The following PCOLCE2 variants were observed in gnomAD, a reference collection of about 807,000 sequenced individuals.
The protein encoded by PCOLCE2 is procollagen C-proteinase enhancer 2.
In PCOLCE2, 42 loss-of-function variants were observed where a neutral mutation model predicts 47.0. The observed-to-expected ratio is 0.89, with a 90% CI of 0.70 to 1.16. The LOEUF (loss-of-function observed/expected upper bound fraction) is 1.16. PCOLCE2 is among the 50% of genes most tolerant of loss of function. PCOLCE2 has a pLI of 0.00. For synonymous variants in PCOLCE2, 169 were observed against 191.7 expected, an observed-to-expected ratio of 0.88 and a Z score of 0.98; for missense variants, 500 against 526.1, an observed-to-expected ratio of 0.95 and a Z score of 0.49.
At chr3:142,841,289 G>A (rs1046498650) in intron 4 of PCOLCE2, among the ~76,000 whole-genome samples, 6 of 152,034 alleles carry the variant, frequency 3.9e-5, no homozygotes, top group African/African-American at 1.4e-4. Flanking sequence ...TCTCCTTTGA[G>A]AAACTGCCAG....
At chr3:142,837,297 G>C (rs1937214781) in intron 5 of PCOLCE2, among the ~76,000 whole-genome samples, 2 of 152,218 alleles carry the variant, frequency 1.3e-5, no homozygotes, top group African/African-American at 4.8e-5. Flanking sequence ...GCTGTTTTAA[G>C]TCGCTGCACG....
At chr3:142,820,120 T>A (rs936577587) in intron 8 of PCOLCE2, among the ~76,000 whole-genome samples, 8 of 151,962 alleles carry the variant, frequency 5.3e-5, no homozygotes, top group East Asian at 1.9e-4. Flanking sequence ...TTTTTTTTTT[T>A]TATAGAAATA....
intron 2 of PCOLCE2, among the ~76,000 whole-genome samples, chr3:142,868,410 T>C (rs1933323971): frequency 6.6e-6 from 1 of 152,186 alleles, no homozygotes; most frequent in East Asian, 1.9e-4. Context: ...AAATTCTAAA[T>C]TTCTCTTCAA....
chr3:142,831,350 C>T (rs1937149371), intron 5 of PCOLCE2, among the ~76,000 whole-genome samples: 1 of 152,152 alleles, frequency 6.6e-6, no homozygotes, highest in Admixed American at 6.5e-5. Flanking sequence ...CCATGTGATG[C>T]CCTGTGCTGC....
At chr3:142,826,999 A>C (rs996723442) in intron 6 of PCOLCE2, 1 of 657,178 alleles carries the variant, frequency 1.5e-6, no homozygotes, top group Admixed American at 2.3e-5. Flanking sequence ...ATCTCTGCCT[A>C]GGTCATCTCG....
chr3:142,868,965 A>C (rs1289124032), intron 2 of PCOLCE2, among the ~76,000 whole-genome samples: 1 of 152,154 alleles, frequency 6.6e-6, no homozygotes, highest in African/African-American at 2.4e-5. Flanking sequence ...CTCCCTTTGG[A>C]ATCCAGGCAC....
chr3:142,886,654 GT>G (rs1933723154), intron 2 of PCOLCE2, among the ~76,000 whole-genome samples: 1 of 152,128 alleles, frequency 6.6e-6, no homozygotes, highest in South Asian at 2.1e-4. Context: ...TGCAAAGTAG[GT>G]TTTACTTTTA....
intron 2 of PCOLCE2, among the ~76,000 whole-genome samples, chr3:142,886,576 G>C (rs567047608): frequency 7.4e-4 from 112 of 152,306 alleles, no homozygotes; most frequent in Non-Finnish European, 1.3e-3. Flanking sequence ...TGTAAGAGCT[G>C]AGTTTTATAT....
intron 6 of PCOLCE2, among the ~76,000 whole-genome samples, chr3:142,828,798 A>G (rs770146921): frequency 2.2e-4 from 34 of 152,336 alleles, no homozygotes; most frequent in African/African-American, 3.1e-4. Context: ...AATTCACTGG[A>G]AAGAACATGG....
At chr3:142,884,323 C>T (rs1255769252) in intron 2 of PCOLCE2, among the ~76,000 whole-genome samples, 1 of 152,132 alleles carries the variant, frequency 6.6e-6, no homozygotes, top group African/African-American at 2.4e-5. Flanking sequence ...CTCACCCCAA[C>T]CCTATTGTTC....
intron 6 of PCOLCE2, among the ~76,000 whole-genome samples, chr3:142,825,528 G>A (rs574550138): frequency 5.3e-5 from 8 of 152,176 alleles, no homozygotes; most frequent in African/African-American, 1.9e-4. Context: ...TTCCAGGCTC[G>A]GATGTCTTCA....
intron 2 of PCOLCE2, among the ~76,000 whole-genome samples, chr3:142,852,091 T>C (rs1932950861): frequency 6.6e-6 from 1 of 152,244 alleles, no homozygotes; most frequent in African/African-American, 2.4e-5. Context: ...GAAAGAAGGA[T>C]GCAGAGGTGA....
intron 4 of PCOLCE2, among the ~76,000 whole-genome samples, chr3:142,840,678 T>C (rs1200372227): frequency 1.3e-5 from 2 of 152,198 alleles, no homozygotes; most frequent in African/African-American, 2.4e-5. Context: ...TGGCTTTAAA[T>C]TGTATTAAAA....
chr3:142,875,779 A>G (rs562347576), intron 2 of PCOLCE2, among the ~76,000 whole-genome samples: 3 of 152,268 alleles, frequency 2.0e-5, no homozygotes, highest in Admixed American at 6.5e-5. Flanking sequence ...AACATTACTC[A>G]TAAAAACAGA....
At chr3:142,870,909 C>CAAG (rs1394713800) in intron 2 of PCOLCE2, among the ~76,000 whole-genome samples, 1 of 152,066 alleles carries the variant, frequency 6.6e-6, no homozygotes, top group East Asian at 1.9e-4. Context: ...AGTACTGGTC[C>CAAG]AAGAAGCAAA....
chr3:142,846,128 A>T (rs1222164265), intron 3 of PCOLCE2, among the ~76,000 whole-genome samples: 1 of 152,152 alleles, frequency 6.6e-6, no homozygotes, highest in Non-Finnish European at 1.5e-5. Context: ...TTTAATTATA[A>T]TGTGCATGGG....
chr3:142,822,536 G>A (rs1021402411), intron 7 of PCOLCE2, among the ~76,000 whole-genome samples: 2 of 152,132 alleles, frequency 1.3e-5, no homozygotes, highest in African/African-American at 4.8e-5. Context: ...TGCGTGATAA[G>A]TGTTCACTCC....
intron 5 of PCOLCE2, among the ~76,000 whole-genome samples, chr3:142,836,699 G>A (rs16852701): frequency 0.014 from 2,125 of 152,218 alleles, 50 homozygotes; most frequent in African/African-American, 0.048. Context: ...AGTTAGACCA[G>A]GACAGAGTCA....
At chr3:142,818,613 T>C in intron 8 of PCOLCE2, 148 bp from the exon 9 acceptor site, 2 of 672,602 alleles carry the variant, frequency 3.0e-6, no homozygotes, top group Non-Finnish European at 5.0e-6. Context: ...TCTGGGTTTC[T>C]TGTTTTTGCT....
Sources: gnomAD v4.1 joint callset for allele counts (sites outside exome capture counted in the v4.1 genomes callset) on GRCh38, gnomAD v4.1.1 for gene constraint, MANE v1.5 for transcripts, NCBI Gene and HGNC (gene_info 2026-07-23, HGNC 2026-07-21) for gene names.